The following PARP4 variants were observed in gnomAD, a reference collection of about 807,000 sequenced individuals.
The protein encoded by PARP4 is protein mono-ADP-ribosyltransferase PARP4.
In PARP4, 120 loss-of-function variants were observed where a neutral mutation model predicts 187.7. The ratio of observed to expected loss-of-function variants is 0.64; its 90% confidence interval spans 0.55 to 0.74. The LOEUF is 0.74. Ranked by LOEUF, PARP4 falls within the 30% of genes least tolerant of loss-of-function variation. The pLI is 0.00. For missense variants in PARP4, 1,836 were observed against 2,070.5 expected, an observed-to-expected ratio of 0.89 and a Z score of 2.20; for synonymous variants, 654 against 740.9, an observed-to-expected ratio of 0.88 and a Z score of 1.90.
At chr13:24,474,021 C>A (rs140985951) in intron 15 of PARP4, among the ~76,000 whole-genome samples, 3 of 152,300 alleles carry the variant, frequency 2.0e-5, no homozygotes, top group African/African-American at 7.2e-5. Flanking sequence ...CAACTTGGGT[C>A]TCCTCCCTGG....
intron 28 of PARP4, among the ~76,000 whole-genome samples, chr13:24,443,404 T>A (rs1363385203): frequency 1.3e-5 from 2 of 152,078 alleles, no homozygotes; most frequent in African/African-American, 4.8e-5. Flanking sequence ...TCTGGCTTCT[T>A]CTGATAAGTA....
At chr13:24,453,548 G>A in intron 23 of PARP4, 39 bp downstream of exon 23, 1 of 1,292,334 alleles carries the variant, frequency 7.7e-7, no homozygotes, top group Non-Finnish European at 1.1e-6. Flanking sequence ...AGCATGGTAG[G>A]AAAAGACCCA....
intron 18 of PARP4, chr13:24,459,537 ACACACACACG>A (rs755124616): frequency 0.075 from 25,944 of 348,114 alleles, 1,099 homozygotes; most frequent in African/African-American, 0.094. Flanking sequence ...GTGTATACAC[ACACACACACG>A]CACACACACA....
At chr13:24,467,420 A>G (rs1459442504) in intron 17 of PARP4, among the ~76,000 whole-genome samples, 2 of 152,190 alleles carry the variant, frequency 1.3e-5, no homozygotes, top group African/African-American at 4.8e-5. Context: ...GCTTAGATGG[A>G]GGGATTCCTA....
chr13:24,441,166 C>G (rs1041526088), intron 30 of PARP4, among the ~76,000 whole-genome samples: 6 of 152,164 alleles, frequency 3.9e-5, no homozygotes, highest in Admixed American at 3.9e-4. Context: ...GCCACTGTGC[C>G]CGCCCTAAAA....
chr13:24,486,356 A>C, intron 10 of PARP4, 51 bp from the exon 11 acceptor site: 2 of 1,261,658 alleles, frequency 1.6e-6, no homozygotes, highest in Non-Finnish European at 1.1e-6. Context: ...GAAACAAAAC[A>C]AAAAGTCATT....
intron 22 of PARP4, among the ~76,000 whole-genome samples, chr13:24,454,656 C>T (rs1434338761): frequency 1.3e-5 from 2 of 152,324 alleles, no homozygotes; most frequent in East Asian, 3.9e-4. Flanking sequence ...CTAATGACAA[C>T]AGTAGCATTT....
intron 2 of PARP4, among the ~76,000 whole-genome samples, chr13:24,502,136 C>T (rs1361244292): frequency 6.6e-6 from 1 of 152,142 alleles, no homozygotes; most frequent in African/African-American, 2.4e-5. Context: ...TCCTTGTGCA[C>T]TTGTTCAATT....
Position 24,446,685 on chromosome 13 carries a change from CCAGTT to C in PARP4, c.3357_3361del (p.Thr1120AsnfsTer16). 1 of 1,565,478 alleles carries C rather than the reference CCAGTT, an allele frequency of 6.4e-7. No homozygotes were observed. Among genetic ancestry groups the C allele is most frequent in the Non-Finnish European group, 8.8e-7 (1 of 1,135,570 alleles). The stretch of plus-strand genomic sequence containing the variant: ...AGTTTAGGTTTTGAATCTTACAGTT[CCAGTT>C]GTCTTCTGAAGCTCAGTAGTCGACA... On this transcript the variant is annotated frameshift_variant, in exon 27 of 34. Coordinates refer to ENST00000381989, the MANE Select transcript of PARP4 (RefSeq NM_006437.4). LOFTEE classifies it high-confidence loss of function.
chr13:24,496,585 G>A (rs1868967857), intron 6 of PARP4, among the ~76,000 whole-genome samples: 1 of 152,142 alleles, frequency 6.6e-6, no homozygotes, highest in Non-Finnish European at 1.5e-5. Context: ...TCCAAGCCAA[G>A]TGGATCTCAC....
chr13:24,472,626 A>G (rs1324171586), intron 15 of PARP4, among the ~76,000 whole-genome samples: 1 of 152,096 alleles, frequency 6.6e-6, no homozygotes, highest in Admixed American at 6.5e-5. Flanking sequence ...ATTTTAGAAA[A>G]CCAAAAACTT....
At chr13:24,423,560 CA>C (rs143269578) in intron 33 of PARP4, among the ~76,000 whole-genome samples, 2 of 150,166 alleles carry the variant, frequency 1.3e-5, no homozygotes, top group Non-Finnish European at 3.0e-5. Context: ...AAAAACAAAA[CA>C]AAAAAAAAGA....
At chr13:24,443,761 T>A in intron 27 of PARP4, 31 bp from the exon 28 acceptor site, 1 of 1,419,796 alleles carries the variant, frequency 7.0e-7, no homozygotes, top group Non-Finnish European at 9.9e-7. Context: ...AAAAAAAATA[T>A]TCACATGGCT....
Position 24,421,316 on chromosome 13 carries a change from T to C in PARP4, c.4980-2A>G, listed in dbSNP as rs1257430949. ...GCCTCAAAAGCCCAGGGAATATTCC[T>C]AGATTAAAAAAAAAAGTTTCAGATT... On this transcript the variant is annotated splice_acceptor_variant, in intron 33 of 33. Transcript: ENST00000381989. LOFTEE classifies it high-confidence loss of function. The C allele has an allele frequency of 1.6e-6, 2 of 1,223,518 alleles. No individual in the cohort carries two copies. The highest frequency in any genetic ancestry group is 1.6e-5 in the African/African-American group (1 of 61,112). The allele number at this position is 1,223,518 out of a possible 1,614,324, so 75.8% of individuals were successfully genotyped here.
rs116923928 is a variant in PARP4 at position 24,462,104 on chromosome 13, C to A, written c.2134-1968G>T. ...ATCCTAAGGTCCAGGACTGCAGGCC[C>A]TGCCTAAGACTGAGGCTGAACCAGA... On this transcript the variant is annotated intron_variant, in intron 17 of 33. Coordinates refer to ENST00000381989, the MANE Select transcript of PARP4 (RefSeq NM_006437.4). Among the ~76,000 whole-genome samples the A allele has an allele frequency of 7.0e-4, 107 of 152,284 alleles. 1 individual carries two copies. The East Asian group carries it at 0.017, about 25-fold the overall frequency.
intron 20 of PARP4, among the ~76,000 whole-genome samples, chr13:24,457,886 C>T (rs1871967877): frequency 6.6e-6 from 1 of 151,364 alleles, no homozygotes; most frequent in African/African-American, 2.4e-5. Context: ...TAAAGACCAC[C>T]AGTTACATAC....
At chr13:24,454,485 A>ATCTGGAGGGTGGTACTACCTCCCT in intron 22 of PARP4, among the ~76,000 whole-genome samples, 1 of 152,228 alleles carries the variant, frequency 6.6e-6, no homozygotes, top group South Asian at 2.1e-4. Flanking sequence ...CCTGGGCCCC[A>ATCTGGAGGGTGGTACTACCTCCCT]TCTGGAGGGT....
intron 6 of PARP4, among the ~76,000 whole-genome samples, chr13:24,497,800 G>T (rs547593243): frequency 2.6e-5 from 4 of 152,186 alleles, no homozygotes; most frequent in Non-Finnish European, 4.4e-5. Context: ...ATCCTCATGT[G>T]TAGAGATGAG....
intron 6 of PARP4, among the ~76,000 whole-genome samples, chr13:24,496,232 C>G (rs949011453): frequency 6.6e-6 from 1 of 151,874 alleles, no homozygotes; most frequent in African/African-American, 2.4e-5. Context: ...ACTTCTTACC[C>G]AAACAACTAT....
Sources: allele counts gnomAD v4.1 joint callset (sites outside exome capture counted in the v4.1 genomes callset), GRCh38; gene constraint gnomAD v4.1.1; transcripts MANE v1.5; gene names NCBI Gene and HGNC (gene_info 2026-07-23, HGNC 2026-07-21).